C1S: variants seen among roughly 807,000 people sequenced by gnomAD.
The protein encoded by C1S is complement C1s.
A neutral mutation model predicts 54.0 loss-of-function variants in C1S; 31 were observed. The ratio of observed to expected loss-of-function variants is 0.57; its 90% CI spans 0.43 to 0.78. The LOEUF is 0.78. Among genes scored for constraint, C1S ranks in the 30% least tolerant of loss-of-function variants. The pLI is 0.00. For synonymous variants in C1S, 292 were observed against 303.6 expected (o/e 0.96, Z 0.40); for missense variants, 727 against 851.8 (o/e 0.85, Z 1.82).
chr12:7,068,869 A>G (rs1334816636), intron 11 of C1S: 2 of 334,890 alleles, frequency 6.0e-6, no homozygotes, highest in Non-Finnish European at 1.1e-5. Context: ...GTCTAGCTAA[A>G]TAGCCTAGTT....
intron 7 of C1S, chr12:7,066,292 C>T: frequency 1.6e-6 from 1 of 626,328 alleles, no homozygotes; most frequent in Non-Finnish European, 2.8e-6. Flanking sequence ...GCTAGAAATG[C>T]CTCAACCTCT....
rs782239202 is a variant in C1S, at chr12:7,066,576, A to G, written c.930A>G (p.Lys310=). ...CTGTTTGGGAGCCTGCGAAGGCAAAATATGTCTTTAGAGATGTGGTGCAGA... is the reference window on the plus strand; with the variant it reads ...CTGTTTGGGAGCCTGCGAAGGCAAAGTATGTCTTTAGAGATGTGGTGCAGA... ...PNSVWEPAKA[K]YVFRDVVQIT... The change falls in exon 8 of 12, where the codon AAA becomes AAG. Residue 310 remains lysine, a synonymous_variant. Transcript: ENST00000360817. 3.7e-6 allele frequency: 6 copies of G among 1,613,924 alleles called. No homozygotes were observed. The highest frequency in any genetic ancestry group is 4.2e-6 in the Non-Finnish European group (5 of 1,179,908).
chr12:7,067,488 G>A (rs1375387232), intron 9 of C1S, 155 bp from the exon 10 acceptor site: 3 of 839,704 alleles, frequency 3.6e-6, no homozygotes, highest in Non-Finnish European at 6.1e-6. Flanking sequence ...TGCCAGTTGG[G>A]GAGGATGGCC....
chr12:7,066,228 A>AT (rs1947175309), intron 7 of C1S: 1 of 609,722 alleles, frequency 1.6e-6, no homozygotes, highest in Admixed American at 2.9e-5. Context: ...TGTTGTTCTG[A>AT]TAGAATCCTG....
At chr12:7,061,566 A>G (rs1947088455) in intron 1 of C1S, 1 of 399,386 alleles carries the variant, frequency 2.5e-6, no homozygotes, top group African/African-American at 2.1e-5. Context: ...GAGGAAGAAG[A>G]AAACTGGGAG....
rs1387611961 is a variant in C1S, at chr12:7,068,453, C to T, written c.1196-3C>T. ...GTGGCCTGTGTTCTCTGTGCTATTC[C>T]AGGGGAGTATCACTGTGCTGGTAAC... On this transcript the variant is annotated splice_region_variant and splice_polypyrimidine_tract_variant and intron_variant, in intron 10 of 11. Coordinates refer to ENST00000360817, the MANE Select transcript of C1S (RefSeq NM_001734.5). 4 of 1,610,272 alleles carry T rather than the reference C, an allele frequency of 2.5e-6. No individual in the cohort carries two copies. Among genetic ancestry groups the T allele is most frequent in the Non-Finnish European group, 3.4e-6 (4 of 1,176,584 alleles).
rs782613132 is a variant in C1S at position 7,065,501 on chromosome 12, G to C, written c.717+202G>C. The C allele has an allele frequency of 1.4e-5, 9 of 663,430 alleles. No homozygotes were observed. In the East Asian group the frequency reaches 2.5e-4, roughly 18 times the overall value. The allele number at this position is 663,430 out of a possible 1,614,324, so 41.1% of individuals were successfully genotyped here. ...CTCCTGAGTAGCTGGGCCCACAGAC[G>C]TGTGTCATCAAACCCAGCTAATATT... On this transcript the variant is annotated intron_variant, in intron 6 of 11. Coordinates refer to ENST00000360817, the MANE Select transcript of C1S (RefSeq NM_001734.5).
chr12:7,068,707 G>T, intron 11 of C1S, 177 bp downstream of exon 11: 1 of 612,420 alleles, frequency 1.6e-6, no homozygotes, highest in South Asian at 1.9e-5. Flanking sequence ...AACCTCCTCA[G>T]CCGCACTGAA....
rs1591574149 is a variant in C1S at position 7,061,773 on chromosome 12, C to T, written c.-74-66C>T. ...GAAGGTGACACTGAGCCCCAGGTGA[C>T]GCCGCACCACCAAAGAAGGTGCTTG... On this transcript the variant is annotated intron_variant, in intron 1 of 11. Coordinates refer to ENST00000360817, the MANE Select transcript of C1S (RefSeq NM_001734.5). 2.6e-5 allele frequency: 22 copies of T among 861,936 alleles called. 1 individual carries two copies. The highest frequency in any genetic ancestry group is 1.7e-4 in the South Asian group (12 of 71,608). 53.4% of individuals were successfully genotyped at this position (861,936 alleles called of 1,614,324 possible).
rs112283405 is a variant in C1S at position 7,063,068 on chromosome 12, G to A, written c.391+1G>A. ...TTTGCTGCATACTATGTTGCCACAG[G>A]TAAGGCTCACCCTTCTGCATGTGCC... On this transcript the variant is annotated splice_donor_variant, in intron 4 of 11. Transcript: ENST00000360817. LOFTEE classifies it high-confidence loss of function. The A allele has an allele frequency of 5.0e-6, 8 of 1,612,438 alleles. No individual in the cohort carries two copies. The highest frequency in any genetic ancestry group is 6.8e-6 in the Non-Finnish European group (8 of 1,179,836).
In C1S at chr12:7,064,278, T is replaced by A; in HGVS notation, c.403T>A (p.Cys135Ser). The change falls in exon 5 of 12, where the codon TGC becomes AGC. Residue 135 changes from cysteine (C) to serine (S), a missense_variant. Cys to Ser is a moderately radical substitution (Grantham distance 112). Around this residue, in one of 3 missense-constraint regions of C1S, gnomAD observed 357 missense variants for 365.4 expected, o/e 0.98. Coordinates refer to ENST00000360817, the MANE Select transcript of C1S (RefSeq NM_001734.5). ...TCTACTCTTTGTAGACATAAATGAATGCACAGATTTTGTAGATGTCCCTTG... is the reference window on the plus strand; with the variant it reads ...TCTACTCTTTGTAGACATAAATGAAAGCACAGATTTTGTAGATGTCCCTTG... ...AYYVATDINECTDFVDVPCSH... is the reference protein window; with the variant it reads ...AYYVATDINESTDFVDVPCSH... 2 of 1,614,100 alleles carry A rather than the reference T, an allele frequency of 1.2e-6. No individual in the cohort carries two copies. Among genetic ancestry groups the A allele is most frequent in the Non-Finnish European group, 1.7e-6 (2 of 1,179,950 alleles).
chr12:7,065,539 CTTT>C, intron 6 of C1S: 1 of 520,966 alleles, frequency 1.9e-6, no homozygotes, highest in Non-Finnish European at 3.4e-6. Flanking sequence ...TATTGTTATT[CTTT>C]TTTTTTTTAC....
At chr12:7,066,161 C>T in intron 7 of C1S, 191 bp downstream of exon 7, 1 of 644,296 alleles carries the variant, frequency 1.6e-6, no homozygotes. Flanking sequence ...CAGAGCAAAA[C>T]CTTGTCTCTA....
At chr12:7,063,839 A>G in intron 4 of C1S, 1 of 366,936 alleles carries the variant, frequency 2.7e-6, no homozygotes, top group East Asian at 7.3e-5. Flanking sequence ...AGCCTGGCCA[A>G]CATGGTGAAA....
Position 7,070,213 on chromosome 12 carries a change from C to T in C1S, c.1629C>T (p.Pro543=). ...VRLKDPVKMG[P]TVSPICLPGT... Reference sequence around the variant, plus strand: ...TGAAAGACCCAGTGAAAATGGGACCCACCGTCTCTCCCATCTGCCTACCAG... The same window carrying T: ...TGAAAGACCCAGTGAAAATGGGACCTACCGTCTCTCCCATCTGCCTACCAG... Residue 543 remains proline, a synonymous_variant, in exon 12 of 12, where the codon CCC becomes CCT. Transcript: ENST00000360817. This position sits in a 1 kb window ranked among gnomAD's most constrained non-coding sequence, Gnocchi z 4.9. The T allele has an allele frequency of 1.2e-6, 2 of 1,614,116 alleles. No individual in the cohort carries two copies. The highest frequency in any genetic ancestry group is 1.1e-5 in the South Asian group (1 of 91,070).
intron 6 of C1S, 167 bp downstream of exon 6, chr12:7,065,466 C>T: frequency 7.1e-6 from 5 of 704,916 alleles, no homozygotes; most frequent in Non-Finnish European, 1.3e-5. Context: ...AGCAAGCGTC[C>T]CACCTCAGCC....
In C1S at chr12:7,070,258, C is replaced by A; in HGVS notation, c.1674C>A (p.Asn558Lys). ...ICLPGTSSDY[N>K]LMDGDLGLIS... ...TACCAGGCACCTCTTCCGACTACAA[C>A]CTCATGGATGGGGACCTGGGACTGA... The change falls in exon 12 of 12, where the codon AAC becomes AAA. Residue 558 changes from asparagine (N) to lysine (K), a missense_variant. Coordinates refer to ENST00000360817, the MANE Select transcript of C1S (RefSeq NM_001734.5). The surrounding 1 kb of genome is among the most constrained non-coding windows in gnomAD (Gnocchi z 4.9). 2 of 1,614,194 alleles carry A rather than the reference C, an allele frequency of 1.2e-6. No homozygotes were observed. The highest frequency in any genetic ancestry group is 1.7e-6 in the Non-Finnish European group (2 of 1,180,004).
In C1S at chr12:7,062,695, C is replaced by T. The variant is rs1415939757; in HGVS notation, c.213+13C>T. On this transcript the variant is annotated intron_variant, in intron 3 of 11. Coordinates refer to ENST00000360817, the MANE Select transcript of C1S (RefSeq NM_001734.5). ...TGACTCAGTGCAGGTATGTTATAAG[C>T]ACAAAAAGAATAGAGATGGAAGACT... The T allele has an allele frequency of 3.1e-6, 5 of 1,609,914 alleles. No homozygotes were observed. The highest frequency in any genetic ancestry group is 4.2e-6 in the Non-Finnish European group (5 of 1,177,376).
intron 2 of C1S, 59 bp downstream of exon 2, chr12:7,061,976 A>C: frequency 6.4e-7 from 1 of 1,570,332 alleles, no homozygotes; most frequent in Non-Finnish European, 8.8e-7. Flanking sequence ...CTTCTCAAGA[A>C]AAGCGCTCAA....
Sources: gnomAD v4.1 joint callset for allele counts on GRCh38, gnomAD v4.1.1 for gene constraint, gnomAD v4.1.1 regional missense constraint, Gnocchi (gnomAD v3.1) non-coding constraint, MANE v1.5 for transcripts, NCBI Gene and HGNC (gene_info 2026-07-23, HGNC 2026-07-21) for gene names.